DGKG: variants seen among roughly 807,000 people sequenced by gnomAD.
DGKG encodes DAG kinase gamma.
In DGKG, 78 loss-of-function variants were observed where a neutral mutation model predicts 105.3. That is an observed-to-expected ratio of 0.74 (90% CI 0.62 to 0.89). DGKG has a LOEUF of 0.89. Among genes scored for constraint, DGKG ranks in the 40% least tolerant of loss-of-function variants. DGKG has a pLI of 0.00. For synonymous variants in DGKG, 346 were observed against 367.1 expected (o/e 0.94, Z 0.66); for missense variants, 958 against 1,020.1 (o/e 0.94, Z 0.83).
chr3:186,274,015 C>T (rs575133164), intron 10 of DGKG, among the ~76,000 whole-genome samples: 4 of 152,274 alleles, frequency 2.6e-5, no homozygotes, highest in African/African-American at 4.8e-5. Flanking sequence ...TCACTCTTTT[C>T]CCCCATCTCT....
intron 10 of DGKG, among the ~76,000 whole-genome samples, chr3:186,274,037 C>T (rs1222194969): frequency 6.6e-6 from 1 of 152,194 alleles, no homozygotes; most frequent in African/African-American, 2.4e-5. Flanking sequence ...TTTGCTGTCT[C>T]CCTTTCCAGT....
chr3:186,187,152 G>C (rs528727054), intron 22 of DGKG, among the ~76,000 whole-genome samples: 1 of 152,330 alleles, frequency 6.6e-6, no homozygotes, highest in East Asian at 1.9e-4. Context: ...TTTGAGAAGA[G>C]GAGTGTCATA....
intron 20 of DGKG, among the ~76,000 whole-genome samples, chr3:186,242,101 G>T (rs1001674901): frequency 6.6e-6 from 1 of 152,142 alleles, no homozygotes; most frequent in Non-Finnish European, 1.5e-5. Flanking sequence ...AGAAGCTAGG[G>T]TCTCTTCCAG....
chr3:186,315,541 C>T (rs3819849), intron 2 of DGKG, among the ~76,000 whole-genome samples: 88,061 of 151,914 alleles, frequency 0.58, 26,147 homozygotes, highest in Middle Eastern at 0.67. Context: ...AGAGGTCTGA[C>T]GGTCTATCAG....
At chr3:186,222,571 G>A (rs1312599383) in intron 20 of DGKG, among the ~76,000 whole-genome samples, 3 of 152,154 alleles carry the variant, frequency 2.0e-5, no homozygotes, top group Admixed American at 1.3e-4. Context: ...GGTCGGGTGC[G>A]GTGGCTCACG....
At chr3:186,331,101 G>T (rs1725581711) in intron 1 of DGKG, among the ~76,000 whole-genome samples, 1 of 152,246 alleles carries the variant, frequency 6.6e-6, no homozygotes, top group Admixed American at 6.5e-5. Context: ...ACTGCCTGCT[G>T]TAGGGTTAGC....
At chr3:186,267,812 G>T in intron 12 of DGKG, 35 bp from the exon 13 acceptor site, 1 of 1,592,466 alleles carries the variant, frequency 6.3e-7, no homozygotes, top group Non-Finnish European at 8.6e-7. Context: ...GTGAGTGAAA[G>T]TGAGCAAAGA....
chr3:186,308,604 C>A (rs529463751), intron 2 of DGKG, among the ~76,000 whole-genome samples: 3 of 152,154 alleles, frequency 2.0e-5, no homozygotes, highest in South Asian at 2.1e-4. Flanking sequence ...AAGTTCTAAT[C>A]ATTTCAGGAT....
At chr3:186,345,507 C>A (rs1198680133) in intron 1 of DGKG, among the ~76,000 whole-genome samples, 1 of 152,058 alleles carries the variant, frequency 6.6e-6, no homozygotes, top group Non-Finnish European at 1.5e-5. Flanking sequence ...TTTTCTTAGA[C>A]CCCCTTGATT....
At chr3:186,195,971 A>G (rs1241427384) in intron 21 of DGKG, among the ~76,000 whole-genome samples, 1 of 152,034 alleles carries the variant, frequency 6.6e-6, no homozygotes, top group Non-Finnish European at 1.5e-5. Context: ...ATCAGCCTAT[A>G]CCTTCTATTA....
chr3:186,276,968 C>T (rs773218208), intron 9 of DGKG, among the ~76,000 whole-genome samples: 4 of 152,220 alleles, frequency 2.6e-5, no homozygotes, highest in Non-Finnish European at 4.4e-5. Flanking sequence ...GAGGAGCTCA[C>T]ATTCTTTTCC....
chr3:186,165,103 G>T, intron 22 of DGKG, 85 bp from the exon 23 acceptor site: 1 of 1,468,878 alleles, frequency 6.8e-7, no homozygotes. Context: ...GTCCCCAGAT[G>T]GCCAATGTCT....
intron 1 of DGKG, among the ~76,000 whole-genome samples, chr3:186,333,253 G>C (rs987995003): frequency 6.6e-6 from 1 of 152,170 alleles, no homozygotes; most frequent in African/African-American, 2.4e-5. Flanking sequence ...ACCCGCACCA[G>C]AGCTAGAGAA....
chr3:186,352,453 G>A (rs1245835143), intron 1 of DGKG, among the ~76,000 whole-genome samples: 2 of 152,132 alleles, frequency 1.3e-5, no homozygotes, highest in Admixed American at 1.3e-4. Context: ...CACTTGCACT[G>A]AGGACTTCGT....
intron 21 of DGKG, among the ~76,000 whole-genome samples, chr3:186,195,309 C>CA (rs539090431): frequency 3.6e-4 from 55 of 151,320 alleles, no homozygotes; most frequent in African/African-American, 8.5e-4. Flanking sequence ...AAAAAACAAA[C>CA]AAAAAAAAGA....
chr3:186,281,250 CCT>C (rs1293707718), intron 7 of DGKG: 1 of 154,718 alleles, frequency 6.5e-6, no homozygotes, highest in African/African-American at 2.4e-5. Context: ...TTTGTTATCT[CCT>C]CTGTTTCCTT....
At chr3:186,199,935 T>G (rs1407398518) in intron 21 of DGKG, among the ~76,000 whole-genome samples, 1 of 152,180 alleles carries the variant, frequency 6.6e-6, no homozygotes, top group South Asian at 2.1e-4. Context: ...ATGCATGAGA[T>G]GCAAGTGACG....
chr3:186,298,627 C>T (rs6763041), intron 3 of DGKG, among the ~76,000 whole-genome samples: 3,146 of 152,276 alleles, frequency 0.021, 127 homozygotes, highest in African/African-American at 0.071. Flanking sequence ...CTCTAATGAG[C>T]AGGGACAAGA....
intron 13 of DGKG, among the ~76,000 whole-genome samples, chr3:186,265,911 C>T (rs1192176881): frequency 6.6e-6 from 1 of 152,088 alleles, no homozygotes; most frequent in African/African-American, 2.4e-5. Flanking sequence ...ACCTCGTGAT[C>T]CGCTGGCCTC....
Sources: allele counts gnomAD v4.1 joint callset (sites outside exome capture counted in the v4.1 genomes callset), GRCh38; gene constraint gnomAD v4.1.1; transcripts MANE v1.5; gene names NCBI Gene and HGNC (gene_info 2026-07-23, HGNC 2026-07-21).